Variants in PIBF1 observed in about 807,000 individuals in gnomAD.
The protein encoded by PIBF1 is progesterone immunomodulatory binding factor 1.
In PIBF1, 90 loss-of-function variants were observed where a neutral mutation model predicts 112.5. That is an observed-to-expected ratio of 0.80 (90% CI 0.67 to 0.95). The LOEUF (loss-of-function observed/expected upper bound fraction) is 0.95, where lower values mean the gene tolerates loss of function less well. PIBF1 is among the 40% of genes least tolerant of loss of function. The probability of loss-of-function intolerance (pLI) is 0.00; values close to 1 mark genes in which losing one functional copy is unlikely to be tolerated. For missense variants in PIBF1, 915 were observed against 852.3 expected (o/e 1.07, Z -0.92); for synonymous variants, 301 against 288.6 (o/e 1.04, Z -0.44).
At chr13:72,863,619 A>G (rs375984916) in intron 10 of PIBF1, among the ~76,000 whole-genome samples, 71 of 150,272 alleles carry the variant, frequency 4.7e-4, no homozygotes, top group Non-Finnish European at 5.8e-4. Context: ...GATCTCGCCA[A>G]TGCACTCCAG....
At chr13:72,861,634 G>A (rs975792439) in intron 10 of PIBF1, among the ~76,000 whole-genome samples, 18 of 151,642 alleles carry the variant, frequency 1.2e-4, no homozygotes, top group African/African-American at 3.9e-4. Flanking sequence ...GCATGATCTC[G>A]GCTCACTGCA....
chr13:72,870,043 C>T (rs867068512), intron 10 of PIBF1, among the ~76,000 whole-genome samples: 16 of 151,382 alleles, frequency 1.1e-4, no homozygotes, highest in Middle Eastern at 6.8e-3. Context: ...TTGCAGATAC[C>T]ATCTGATAAA....
At chr13:72,948,451 C>T (rs1473816560) in intron 14 of PIBF1, among the ~76,000 whole-genome samples, 1 of 152,118 alleles carries the variant, frequency 6.6e-6, no homozygotes, top group East Asian at 1.9e-4. Context: ...GGTCAAAGCT[C>T]TAGGAAGTTC....
chr13:72,944,446 T>TAAAA (rs34333031), intron 14 of PIBF1, among the ~76,000 whole-genome samples: 1 of 141,674 alleles, frequency 7.1e-6, no homozygotes. Flanking sequence ...CAAGACTGTC[T>TAAAA]AAAAAAAAAA....
rs781273634 is a variant in PIBF1 at position 72,854,077 on chromosome 13, A to G, written c.1244A>G (p.Asp415Gly). 6 of 1,612,254 alleles carry G rather than the reference A, an allele frequency of 3.7e-6. No individual in the cohort carries two copies. The highest frequency in any genetic ancestry group is 5.1e-6 in the Non-Finnish European group (6 of 1,178,364). ...RENRNLREAR[D>G]NAVAEKERAV... is the part of the protein sequence containing the mutation. ...TTTAGAAATCTCCGAGAAGCAAGGGATAATGCTGTGGCTGAAAAGGAACGA... is the reference window on the plus strand; with the variant it reads ...TTTAGAAATCTCCGAGAAGCAAGGGGTAATGCTGTGGCTGAAAAGGAACGA... Residue 415 changes from aspartate (D) to glycine (G), a missense_variant, in exon 10 of 18, where the codon GAT becomes GGT. By Grantham distance (94) the Asp-to-Gly change is moderately conservative. Transcript: ENST00000326291.
At chr13:72,916,262 G>T (rs1160264941) in intron 12 of PIBF1, among the ~76,000 whole-genome samples, 4 of 151,670 alleles carry the variant, frequency 2.6e-5, no homozygotes, top group Non-Finnish European at 5.9e-5. Flanking sequence ...CTTGGTGGTG[G>T]GCACCTGCAA....
intron 5 of PIBF1, among the ~76,000 whole-genome samples, chr13:72,808,269 T>C (rs1296040207): frequency 6.6e-6 from 1 of 152,216 alleles, no homozygotes; most frequent in East Asian, 1.9e-4. Flanking sequence ...TATTTTCCTT[T>C]ACACCACTGA....
At chr13:72,917,016 G>T in intron 12 of PIBF1, 60 bp from the exon 13 acceptor site, 2 of 1,078,632 alleles carry the variant, frequency 1.9e-6, no homozygotes, top group Admixed American at 2.5e-5. Context: ...TTTCACTTCT[G>T]CCATCTTTTT....
At chr13:72,882,196 A>G (rs2039670096) in intron 10 of PIBF1, among the ~76,000 whole-genome samples, 1 of 152,192 alleles carries the variant, frequency 6.6e-6, no homozygotes, top group African/African-American at 2.4e-5. Flanking sequence ...TGGGGAAAGG[A>G]CAGTCTCTTC....
At chr13:72,915,529 T>C (rs981461870) in intron 12 of PIBF1, among the ~76,000 whole-genome samples, 8 of 152,240 alleles carry the variant, frequency 5.3e-5, no homozygotes, top group African/African-American at 1.9e-4. Flanking sequence ...TTATGGGTTT[T>C]TGAGATGTGA....
At chr13:72,960,901 GA>G (rs201330538) in intron 14 of PIBF1, among the ~76,000 whole-genome samples, 1,823 of 151,516 alleles carry the variant, frequency 0.012, 47 homozygotes, top group African/African-American at 0.041. Context: ...CCAAAGCAAA[GA>G]AAAAAAACAT....
At chr13:73,009,038 A>G (rs1404458878) in intron 17 of PIBF1, among the ~76,000 whole-genome samples, 1 of 152,200 alleles carries the variant, frequency 6.6e-6, no homozygotes, top group Non-Finnish European at 1.5e-5. Flanking sequence ...AGGAACCTAG[A>G]TTCCCTCTTC....
intron 17 of PIBF1, among the ~76,000 whole-genome samples, chr13:73,003,157 AGATT>A (rs1445499113): frequency 3.3e-5 from 5 of 152,160 alleles, no homozygotes; most frequent in Admixed American, 6.5e-5. Flanking sequence ...TTGTATAGAT[AGATT>A]AAGTTTATAT....
chr13:72,827,394 G>A (rs540743690), intron 7 of PIBF1, among the ~76,000 whole-genome samples: 20 of 151,768 alleles, frequency 1.3e-4, no homozygotes, highest in East Asian at 3.9e-4. Context: ...GATTACAGGC[G>A]TGTGCCACCA....
chr13:72,885,259 T>C (rs2039802042), intron 10 of PIBF1, among the ~76,000 whole-genome samples: 1 of 152,140 alleles, frequency 6.6e-6, no homozygotes, highest in Non-Finnish European at 1.5e-5. Context: ...CATTTTGGCT[T>C]CTCTTTTCTT....
intron 9 of PIBF1, among the ~76,000 whole-genome samples, chr13:72,850,502 T>A (rs2038088872): frequency 6.6e-6 from 1 of 152,222 alleles, no homozygotes; most frequent in African/African-American, 2.4e-5. Flanking sequence ...ATTCCCTTTG[T>A]CTTGTTTTCA....
At chr13:72,845,354 A>C (rs774362325) in intron 9 of PIBF1, among the ~76,000 whole-genome samples, 5 of 152,098 alleles carry the variant, frequency 3.3e-5, no homozygotes, top group Non-Finnish European at 7.3e-5. Flanking sequence ...TCCATGGTGT[A>C]TATGTACCAC....
At chr13:72,856,131 C>CG (rs1229670431) in intron 10 of PIBF1, among the ~76,000 whole-genome samples, 1 of 152,152 alleles carries the variant, frequency 6.6e-6, no homozygotes, top group Admixed American at 6.6e-5. Flanking sequence ...ATGCGATACT[C>CG]TAATACCTAA....
At chr13:72,812,267 T>C (rs2036056856) in intron 5 of PIBF1, among the ~76,000 whole-genome samples, 1 of 152,196 alleles carries the variant, frequency 6.6e-6, no homozygotes, top group Admixed American at 6.5e-5. Context: ...TTTTTGATAA[T>C]TTTTAACTTT....
Sources: gnomAD v4.1 joint callset for allele counts (sites outside exome capture counted in the v4.1 genomes callset) on GRCh38, gnomAD v4.1.1 for gene constraint, MANE v1.5 for transcripts, NCBI Gene and HGNC (gene_info 2026-07-23, HGNC 2026-07-21) for gene names.